SLC4A5: variants seen among roughly 807,000 people sequenced by gnomAD.
SLC4A5 encodes the protein electrogenic sodium bicarbonate cotransporter 4.
A neutral mutation model predicts 120.4 loss-of-function variants in SLC4A5; 96 were observed. That is an observed-to-expected ratio of 0.80 (90% CI 0.68 to 0.94). The LOEUF is 0.94. Among genes scored for constraint, SLC4A5 ranks in the 40% least tolerant of loss-of-function variants. The pLI is 0.00. For synonymous variants in SLC4A5, 550 were observed against 571.1 expected, an observed-to-expected ratio of 0.96 and a Z score of 0.53; for missense variants, 1,259 against 1,459.5, an observed-to-expected ratio of 0.86 and a Z score of 2.24.
In SLC4A5 at chr2:74,290,155, C is replaced by T. The variant is rs541947579; in HGVS notation, c.272-4253G>A. On this transcript the variant is annotated intron_variant, in intron 7 of 30. Transcript: ENST00000394019. ...CTGGAATCCCCTTTCCCCTTCAAGGCCAGACAAGAAGGCAAATAAATGGAC... is the reference window on the plus strand; with the variant it reads ...CTGGAATCCCCTTTCCCCTTCAAGGTCAGACAAGAAGGCAAATAAATGGAC... 10 of 985,624 alleles carry T rather than the reference C, an allele frequency of 1.0e-5. No homozygotes were observed. The South Asian group carries it at 4.2e-4, about 42-fold the overall frequency. The allele number at this position is 985,624 out of a possible 1,614,324, so 61.1% of individuals were successfully genotyped here.
At chr2:74,222,042 G>A (rs1238417055) in intron 29 of SLC4A5, among the ~76,000 whole-genome samples, 1 of 152,148 alleles carries the variant, frequency 6.6e-6, no homozygotes, top group African/African-American at 2.4e-5. Context: ...CTCCCTCTCA[G>A]CTGTCTGCTG....
intron 29 of SLC4A5, 55 bp downstream of exon 29, chr2:74,222,813 G>T (rs1694698953): frequency 6.9e-7 from 1 of 1,453,476 alleles, no homozygotes; most frequent in Non-Finnish European, 9.7e-7. Flanking sequence ...GTTCCTAGGG[G>T]AAAGACATGG....
At chr2:74,300,756 A>G (rs529616064) in intron 7 of SLC4A5, among the ~76,000 whole-genome samples, 14 of 152,176 alleles carry the variant, frequency 9.2e-5, no homozygotes, top group Admixed American at 2.0e-4. Context: ...ATTTTCTCCA[A>G]GGAGCTCTGA....
At chr2:74,247,436 G>A in intron 18 of SLC4A5, 129 bp from the exon 19 acceptor site, 1 of 959,840 alleles carries the variant, frequency 1.0e-6, no homozygotes, top group East Asian at 2.6e-5. Context: ...GACTGTGAAA[G>A]ACTGGGGACA....
chr2:74,310,489 T>A (rs982293843), intron 6 of SLC4A5, among the ~76,000 whole-genome samples: 1 of 152,206 alleles, frequency 6.6e-6, no homozygotes, highest in Non-Finnish European at 1.5e-5. Context: ...ATTCCTAGTT[T>A]ACTGCAAGTT....
intron 7 of SLC4A5, among the ~76,000 whole-genome samples, chr2:74,300,177 G>A (rs1672436412): frequency 6.6e-6 from 1 of 152,236 alleles, no homozygotes; most frequent in African/African-American, 2.4e-5. Context: ...CATAGAAACA[G>A]AGGGCAGAAC....
intron 12 of SLC4A5, among the ~76,000 whole-genome samples, chr2:74,257,259 A>C (rs1388796277): frequency 2.0e-5 from 3 of 151,260 alleles, no homozygotes; most frequent in Non-Finnish European, 4.4e-5. Flanking sequence ...AAAAAAAAAT[A>C]ACCCTCCACA....
chr2:74,311,079 T>C (rs1475664555), intron 6 of SLC4A5, among the ~76,000 whole-genome samples: 1 of 152,156 alleles, frequency 6.6e-6, no homozygotes, highest in Non-Finnish European at 1.5e-5. Flanking sequence ...ACCTAAGTTA[T>C]CAAATTTGTA....
chr2:74,305,960 GTGAT>G (rs2104264400), intron 6 of SLC4A5, among the ~76,000 whole-genome samples: 1 of 152,192 alleles, frequency 6.6e-6, no homozygotes, highest in Non-Finnish European at 1.5e-5. Context: ...TCCTGACCTT[GTGAT>G]CCACCCGCCT....
At chr2:74,306,749 A>C (rs1301618275) in intron 6 of SLC4A5, 6 of 1,155,426 alleles carry the variant, frequency 5.2e-6, no homozygotes, top group Non-Finnish European at 7.3e-6. Context: ...CTTTGGTGTC[A>C]TTATTCTCAG....
chr2:74,232,702 G>C, intron 23 of SLC4A5, 55 bp from the exon 24 acceptor site: 1 of 1,589,020 alleles, frequency 6.3e-7, no homozygotes, highest in Non-Finnish European at 8.6e-7. Context: ...GTTCCTCCTG[G>C]ATGCAACCAT....
intron 4 of SLC4A5, among the ~76,000 whole-genome samples, chr2:74,329,954 G>C (rs966254373): frequency 6.6e-6 from 1 of 151,914 alleles, no homozygotes. Flanking sequence ...TGGAGATGGT[G>C]AGGTAGTGTA....
chr2:74,261,005 C>G (rs73948725), intron 11 of SLC4A5, among the ~76,000 whole-genome samples: 3,645 of 152,180 alleles, frequency 0.024, 141 homozygotes, highest in African/African-American at 0.082. Context: ...TTTAGAACCC[C>G]CTCTTCCTCC....
At chr2:74,300,242 A>G (rs998136172) in intron 7 of SLC4A5, among the ~76,000 whole-genome samples, 4 of 152,188 alleles carry the variant, frequency 2.6e-5, no homozygotes, top group Non-Finnish European at 5.9e-5. Context: ...CAAAGATAAA[A>G]ATATTCCAGG....
chr2:74,322,548 A>G (rs1243283952), intron 5 of SLC4A5, among the ~76,000 whole-genome samples: 1 of 152,198 alleles, frequency 6.6e-6, no homozygotes, highest in East Asian at 1.9e-4. Context: ...GGTATTTTGG[A>G]TAGATGATAG....
chr2:74,328,966 A>G (rs1369906272), intron 4 of SLC4A5, among the ~76,000 whole-genome samples: 1 of 151,628 alleles, frequency 6.6e-6, no homozygotes, highest in Admixed American at 6.5e-5. Flanking sequence ...ACCAAAAGCT[A>G]GAGACATTTT....
chr2:74,292,204 T>C (rs1244918432), intron 7 of SLC4A5, among the ~76,000 whole-genome samples: 2 of 152,160 alleles, frequency 1.3e-5, no homozygotes, highest in Non-Finnish European at 2.9e-5. Flanking sequence ...AGTCACTCAA[T>C]AGGTGATATT....
chr2:74,226,959 T>A, exon 27 of SLC4A5: 1 of 1,613,040 alleles, frequency 6.2e-7, no homozygotes, highest in Non-Finnish European at 8.5e-7. Flanking sequence ...CACTTTACCA[T>A]GACCGGGAAG....
chr2:74,256,656 A>C (rs1029201126), intron 12 of SLC4A5, among the ~76,000 whole-genome samples: 10 of 152,172 alleles, frequency 6.6e-5, no homozygotes, highest in African/African-American at 1.2e-4. Flanking sequence ...CCCTCCACCC[A>C]AATGTATTCC....
Sources: allele counts gnomAD v4.1 joint callset (sites outside exome capture counted in the v4.1 genomes callset), GRCh38; gene constraint gnomAD v4.1.1; transcripts MANE v1.5; gene names NCBI Gene and HGNC (gene_info 2026-07-23, HGNC 2026-07-21).